ZNF701: variants seen among roughly 807,000 people sequenced by gnomAD.
The protein encoded by ZNF701 is zinc finger protein 701.
Under a neutral mutation model 7.1 loss-of-function variants are expected in ZNF701, and 6 were observed. That is an observed-to-expected ratio of 0.84 (90% CI 0.46 to 1.66). The LOEUF (loss-of-function observed/expected upper bound fraction) is 1.66, where lower values mean the gene tolerates loss of function less well. Among genes scored for constraint, ZNF701 ranks in the 40% most tolerant of loss-of-function variants. ZNF701 has a pLI of 0.01. For synonymous variants in ZNF701, 166 were observed against 188.2 expected (o/e 0.88, Z 0.97); for missense variants, 541 against 559.2 (o/e 0.97, Z 0.33).
intron 3 of ZNF701, among the ~76,000 whole-genome samples, chr19:52,576,280 C>A (rs2059933595): frequency 6.6e-6 from 1 of 152,082 alleles, no homozygotes; most frequent in Admixed American, 6.6e-5. Context: ...GTGGCTCACA[C>A]CTGTCATCAC....
chr19:52,573,602 G>A (rs1249240135), intron 1 of ZNF701, among the ~76,000 whole-genome samples: 2 of 152,042 alleles, frequency 1.3e-5, no homozygotes, highest in African/African-American at 4.8e-5. Flanking sequence ...TCAAACTCCT[G>A]AGCTCTACTG....
intron 3 of ZNF701, among the ~76,000 whole-genome samples, chr19:52,578,505 C>T (rs1051741018): frequency 1.3e-5 from 2 of 152,104 alleles, no homozygotes; most frequent in African/African-American, 4.8e-5. Context: ...GTAGTGGTCC[C>T]CCAGGCCCAG....
intron 2 of ZNF701, among the ~76,000 whole-genome samples, chr19:52,575,210 C>A (rs2059925963): frequency 1.3e-5 from 2 of 152,132 alleles, no homozygotes; most frequent in South Asian, 4.1e-4. Flanking sequence ...ACCTTGTGAT[C>A]CACCCGCCTC....
chr19:52,586,195 C>T lies in ZNF701; in HGVS notation c.*2738C>T, dbSNP rs2060010694. ...TAGCTGGGACCACAGCCGCGCGCCACCACACCGCGCCAATTTTTGTGTTCT... is the reference window on the plus strand; with the variant it reads ...TAGCTGGGACCACAGCCGCGCGCCATCACACCGCGCCAATTTTTGTGTTCT... On this transcript the variant is annotated 3_prime_UTR_variant, in exon 4 of 4. Coordinates refer to ENST00000391785, the MANE Select transcript of ZNF701 (RefSeq NM_018260.3). 1 of 152,088 alleles carries T rather than the reference C, an allele frequency of 6.6e-6. No homozygotes were observed. The highest frequency in any genetic ancestry group is 2.4e-5 in the African/African-American group (1 of 41,392). 9.4% of individuals were successfully genotyped at this position (152,088 alleles called of 1,614,324 possible). A position where few individuals can be genotyped will look rare whatever the true frequency, so the allele number is the denominator to read the frequency against.
chr19:52,592,167 T>G, downstream of ZNF701: 1 of 1,546,394 alleles, frequency 6.5e-7, no homozygotes, highest in African/African-American at 1.4e-5. Flanking sequence ...GCCTGAACCC[T>G]GCACAGAGGG....
Position 52,583,068 on chromosome 19 carries a change from C to G in ZNF701, c.1009C>G (p.Arg337Gly), listed in dbSNP as rs150530453. Residue 337 changes from arginine (R) to glycine (G), a missense_variant, in exon 4 of 4, where the codon CGC (arginine) becomes GGC (glycine). By Grantham distance (125) the Arg-to-Gly change is moderately radical (BLOSUM62 -2). Transcript: ENST00000391785. The part of the protein sequence containing the change: ...KCEECDKVFS[R>G]KSHLERHRRI... Reference sequence around the variant, plus strand: ...TGAAGAATGTGACAAAGTTTTCAGTCGCAAATCACACCTTGAAAGACATAG... The same window carrying G: ...TGAAGAATGTGACAAAGTTTTCAGTGGCAAATCACACCTTGAAAGACATAG... The G allele has an allele frequency of 5.0e-6, 8 of 1,613,250 alleles. No homozygotes were observed. In the South Asian group the frequency reaches 7.7e-5, roughly 16 times the overall value.
downstream of ZNF701, among the ~76,000 whole-genome samples, chr19:52,590,107 G>GTT (rs5828512): frequency 0.23 from 31,389 of 137,186 alleles, 3,613 homozygotes; most frequent in South Asian, 0.31. Flanking sequence ...TTTTTTTATT[G>GTT]TTTTTTTTTT....
At chr19:52,582,161 C>A (rs1481102224) in intron 3 of ZNF701, 41 bp from the exon 4 acceptor site, 1 of 1,498,814 alleles carries the variant, frequency 6.7e-7, no homozygotes, top group African/African-American at 1.4e-5. Flanking sequence ...TGTATAACTT[C>A]CGTACTTAAT....
chr19:52,596,722 C>G, the ZNF701 span: 215,325 of 499,304 alleles, frequency 0.43, 46,689 homozygotes, highest in Middle Eastern at 0.52. Flanking sequence ...ATGGAAAGAC[C>G]TTTGCTCAAA....
rs200112276 is a variant in ZNF701, at chr19:52,574,178, C to T, written c.15+16C>T. Reference sequence around the variant, plus strand: ...TCTTCTTCAGGTGAGATGATATTCTCGGGGGATTGTTCTGTCTCCTTCCTT... The same window carrying T: ...TCTTCTTCAGGTGAGATGATATTCTTGGGGGATTGTTCTGTCTCCTTCCTT... On this transcript the variant is annotated intron_variant, in intron 2 of 3. Transcript: ENST00000391785. 5.5e-5 allele frequency: 88 copies of T among 1,607,288 alleles called. No individual in the cohort carries two copies. Among genetic ancestry groups the T allele is most frequent in the Admixed American group, 1.5e-4 (9 of 59,930 alleles).
intron 3 of ZNF701, among the ~76,000 whole-genome samples, chr19:52,581,299 A>G (rs1202494172): frequency 1.3e-5 from 2 of 152,084 alleles, no homozygotes; most frequent in Non-Finnish European, 2.9e-5. Context: ...AGCTCACCAC[A>G]ATCTTGGCCT....
Position 52,583,538 on chromosome 19 carries a change from A to G in ZNF701, c.*81A>G. The G allele has an allele frequency of 6.3e-7, 1 of 1,596,450 alleles. No homozygotes were observed. The highest frequency in any genetic ancestry group is 1.1e-5 in the South Asian group (1 of 90,260). ...ACTTTATACTGGAGAGAAACCTTAC[A>G]AATGTGAAGAATGTGACAAAAGTTT... is the stretch of plus-strand genomic sequence containing the variant. On this transcript the variant is annotated 3_prime_UTR_variant, in exon 4 of 4. Coordinates refer to ENST00000391785, the MANE Select transcript of ZNF701 (RefSeq NM_018260.3).
downstream of ZNF701, among the ~76,000 whole-genome samples, chr19:52,589,873 A>T (rs867848002): frequency 2.2e-4 from 33 of 151,958 alleles, no homozygotes; most frequent in African/African-American, 7.7e-4. Flanking sequence ...GCTCACCTCC[A>T]GCCTTTGTCA....
At chr19:52,595,428 C>A in the ZNF701 span, among the ~76,000 whole-genome samples, 1 of 124,904 alleles carries the variant, frequency 8.0e-6, no homozygotes, top group East Asian at 2.1e-4. Context: ...TATCACTACA[C>A]CTGGCTAATT....
rs1478065994 is a variant in ZNF701, at chr19:52,582,207, T to G, written c.148T>G (p.Ser50Ala). Residue 50 changes from serine to alanine, a missense_variant, in exon 4 of 4, where the codon TCT (serine) becomes GCT (alanine). Transcript: ENST00000391785. ...NYRNLVSLDT[S>A]SKCMMKMFSS... ...TTTGTGTTTATATTTTGTAGATACC[T>G]CTTCCAAATGCATGATGAAGATGTT... 2 of 1,577,192 alleles carry G rather than the reference T, an allele frequency of 1.3e-6. No individual in the cohort carries two copies. Among genetic ancestry groups the G allele is most frequent in the African/African-American group, 2.7e-5 (2 of 73,680 alleles).
chr19:52,598,424 G>A, the ZNF701 span, among the ~76,000 whole-genome samples: 6 of 152,110 alleles, frequency 3.9e-5, no homozygotes, highest in Non-Finnish European at 8.8e-5. Context: ...CTGGGGCAGG[G>A]TGGGGGAGAG....
the ZNF701 span, among the ~76,000 whole-genome samples, chr19:52,594,484 G>A: frequency 1.9e-4 from 29 of 151,710 alleles, no homozygotes; most frequent in Non-Finnish European, 3.7e-4. Flanking sequence ...ATGAGCCACC[G>A]CACCTGGCCT....
intron 3 of ZNF701, among the ~76,000 whole-genome samples, chr19:52,579,960 T>A (rs1211852700): frequency 7.0e-6 from 1 of 141,896 alleles, no homozygotes; most frequent in Non-Finnish European, 1.5e-5. Context: ...ATTATTTTTT[T>A]AGATGGAGTC....
At chr19:52,596,658 C>T in the ZNF701 span, 2 of 454,906 alleles carry the variant, frequency 4.4e-6, no homozygotes, top group African/African-American at 4.1e-5. Context: ...TGATTTATGC[C>T]TTGCACAACA....
Sources: gnomAD v4.1 joint callset for allele counts (sites outside exome capture counted in the v4.1 genomes callset) on GRCh38, gnomAD v4.1.1 for gene constraint, MANE v1.5 for transcripts, NCBI Gene and HGNC (gene_info 2026-07-23, HGNC 2026-07-21) for gene names.